MPPED1: variants seen among roughly 807,000 people sequenced by gnomAD.
The protein encoded by MPPED1 is metallophosphoesterase domain containing 1, also known as metallophosphoesterase domain-containing protein 1.
In MPPED1, 16 loss-of-function variants were observed where a neutral mutation model predicts 36.2. The observed-to-expected ratio is 0.44, with a 90% CI of 0.30 to 0.67. MPPED1 has a LOEUF of 0.67. Ranked by LOEUF, MPPED1 falls within the 30% of genes least tolerant of loss-of-function variation. MPPED1 has a pLI of 0.10. For missense variants in MPPED1, 307 were observed against 453.4 expected (o/e 0.68, Z 2.93); for synonymous variants, 199 against 191.3 (o/e 1.04, Z -0.33).
chr22:43,479,431 C>G (rs1440174956), intron 4 of MPPED1, among the ~76,000 whole-genome samples: 1 of 152,198 alleles, frequency 6.6e-6, no homozygotes, highest in Admixed American at 6.5e-5. Flanking sequence ...ACCATGTGGC[C>G]TTAGGAGGTA....
chr22:43,459,132 T>C (rs1930857079), intron 3 of MPPED1, among the ~76,000 whole-genome samples: 1 of 152,222 alleles, frequency 6.6e-6, no homozygotes, highest in African/African-American at 2.4e-5. Flanking sequence ...TGGATTGCAG[T>C]GGCTCAGTCT....
intron 3 of MPPED1, among the ~76,000 whole-genome samples, chr22:43,447,948 G>A (rs182498549): frequency 2.1e-4 from 30 of 142,614 alleles, no homozygotes; most frequent in African/African-American, 7.3e-4. Flanking sequence ...GTGCGATCTC[G>A]GCTCACTACA....
intron 4 of MPPED1, among the ~76,000 whole-genome samples, chr22:43,475,971 C>T (rs373312316): frequency 6.4e-4 from 40 of 62,618 alleles, no homozygotes; most frequent in African/African-American, 2.2e-3. Flanking sequence ...AGGATGATTA[C>T]GGTGGTGGTG....
chr22:43,422,546 G>A (rs949333747), intron 1 of MPPED1, among the ~76,000 whole-genome samples: 3 of 152,164 alleles, frequency 2.0e-5, no homozygotes, highest in Non-Finnish European at 4.4e-5. Flanking sequence ...ATGTGATGTG[G>A]TCAGCTTGCA....
chr22:43,436,322 G>A (rs1295255745), intron 3 of MPPED1, among the ~76,000 whole-genome samples: 1 of 152,162 alleles, frequency 6.6e-6, no homozygotes, highest in Non-Finnish European at 1.5e-5. Flanking sequence ...GCTGCCAGAC[G>A]GTCCCTTCCG....
intron 3 of MPPED1, among the ~76,000 whole-genome samples, chr22:43,461,929 C>T (rs539087850): frequency 5.3e-5 from 8 of 152,222 alleles, no homozygotes; most frequent in South Asian, 2.1e-4. Flanking sequence ...AATAGGGCAC[C>T]GGGGAGGTGG....
At chr22:43,439,222 C>G (rs796244790) in intron 3 of MPPED1, among the ~76,000 whole-genome samples, 7 of 152,140 alleles carry the variant, frequency 4.6e-5, no homozygotes, top group Admixed American at 1.3e-4. Context: ...GGGAGGGGGA[C>G]GGGTTGGGAT....
chr22:43,452,926 A>G (rs868375481), intron 3 of MPPED1, among the ~76,000 whole-genome samples: 20 of 150,874 alleles, frequency 1.3e-4, no homozygotes, highest in African/African-American at 4.6e-4. Context: ...ACACCTAGCC[A>G]GAAATATTTT....
rs577694841 is a variant in MPPED1 at position 43,497,342 on chromosome 22, G to A, written c.633-893G>A. 2.0e-5 allele frequency among the ~76,000 whole-genome samples: 3 copies of A among 152,156 alleles called. No homozygotes were observed. The South Asian group carries it at 6.2e-4, about 32-fold the overall frequency. ...AAATGACTGAAAACCCAGTTCAAAT[G>A]GCTTTGTGTTGGCCCGTATAATTGG... is the stretch of plus-strand genomic sequence containing the variant. On this transcript the variant is annotated intron_variant, in intron 4 of 6. Coordinates refer to ENST00000443721, the MANE Select transcript of MPPED1 (RefSeq NM_001044370.2).
intron 3 of MPPED1, among the ~76,000 whole-genome samples, 197 bp downstream of exon 3, chr22:43,435,412 C>T (rs1323684751): frequency 6.6e-6 from 1 of 152,156 alleles, no homozygotes; most frequent in Admixed American, 6.5e-5. Flanking sequence ...CTCTCCTCCT[C>T]CAGCATCTGT....
At chr22:43,441,325 C>T (rs1043048580) in intron 3 of MPPED1, among the ~76,000 whole-genome samples, 1 of 152,160 alleles carries the variant, frequency 6.6e-6, no homozygotes, top group South Asian at 2.1e-4. Context: ...ACACTGCTAT[C>T]GTCTGTCCTG....
chr22:43,438,130 C>T (rs892650718), intron 3 of MPPED1, among the ~76,000 whole-genome samples: 3 of 152,126 alleles, frequency 2.0e-5, no homozygotes, highest in Admixed American at 2.0e-4. Context: ...CAGCCTGATG[C>T]GAGGGGACGG....
intron 3 of MPPED1, among the ~76,000 whole-genome samples, chr22:43,458,181 G>A (rs79258431): frequency 0.015 from 2,268 of 152,206 alleles, 28 homozygotes; most frequent in Middle Eastern, 0.037. Flanking sequence ...TGCATTTCTC[G>A]GAATGCATCT....
At chr22:43,494,006 G>A (rs1932180794) in intron 4 of MPPED1, among the ~76,000 whole-genome samples, 2 of 152,094 alleles carry the variant, frequency 1.3e-5, no homozygotes, top group Non-Finnish European at 2.9e-5. Flanking sequence ...GGGGGGCTCT[G>A]AGGGAAAACT....
chr22:43,447,884 T>TAAATATATATATATATATA (rs1491157280), intron 3 of MPPED1, among the ~76,000 whole-genome samples: 1 of 46,242 alleles, frequency 2.2e-5, no homozygotes, highest in African/African-American at 9.8e-5. Flanking sequence ...TATATATATA[T>TAAATATATATATATATATA]TTTTTTTTTT....
chr22:43,464,916 G>A (rs1019077803), intron 3 of MPPED1, among the ~76,000 whole-genome samples: 1 of 152,166 alleles, frequency 6.6e-6, no homozygotes, highest in Non-Finnish European at 1.5e-5. Context: ...CACAACTGGG[G>A]ACAAACATGG....
chr22:43,495,932 ATGGTGGAGGTAGTGGTGGTGGAGGTGG>A (rs1932313615), intron 4 of MPPED1, among the ~76,000 whole-genome samples: 1 of 21,638 alleles, frequency 4.6e-5, no homozygotes, highest in Non-Finnish European at 1.0e-4. Flanking sequence ...GGTGGAGGTG[ATGGTGGAGGTAGTGGTGGTGGAGGTGG>A]TGGTGGTGGA....
rs556908603 is a variant in MPPED1, at chr22:43,438,770, G to A, written c.406+3555G>A. 4.6e-5 allele frequency among the ~76,000 whole-genome samples: 7 copies of A among 152,228 alleles called. No individual in the cohort carries two copies. The South Asian group carries it at 1.5e-3, about 32-fold the overall frequency. On this transcript the variant is annotated intron_variant, in intron 3 of 6. Transcript: ENST00000443721. ...GGTGTCTGGTGCCAAGTGTGTCACA[G>A]AAGGGATGGGACAGCGCTGGGCCTT...
At chr22:43,432,328 GAAAGAGGGAA>G (rs1826901559) in intron 2 of MPPED1, among the ~76,000 whole-genome samples, 2 of 127,138 alleles carry the variant, frequency 1.6e-5, no homozygotes, top group South Asian at 2.7e-4. Context: ...AGGGAGGAGA[GAAAGAGGGAA>G]AGAGAGAAGG....
Sources: gnomAD v4.1 joint callset for allele counts (sites outside exome capture counted in the v4.1 genomes callset) on GRCh38, gnomAD v4.1.1 for gene constraint, MANE v1.5 for transcripts, NCBI Gene and HGNC (gene_info 2026-07-23, HGNC 2026-07-21) for gene names.